The following WDR70 variants were observed in gnomAD, a reference collection of about 807,000 sequenced individuals.
The protein encoded by WDR70 is WD repeat domain 70, also known as WD repeat-containing protein 70.
Under a neutral mutation model 88.6 loss-of-function variants are expected in WDR70, and 53 were observed. The ratio of observed to expected loss-of-function variants is 0.60; its 90% CI spans 0.48 to 0.75. The LOEUF (loss-of-function observed/expected upper bound fraction) is 0.75. WDR70 is among the 30% of genes least tolerant of loss of function. The pLI is 0.00. For missense variants in WDR70, 610 were observed against 823.2 expected, an observed-to-expected ratio of 0.74 and a Z score of 3.17; for synonymous variants, 280 against 270.0, an observed-to-expected ratio of 1.04 and a Z score of -0.36.
intron 10 of WDR70, among the ~76,000 whole-genome samples, chr5:37,670,508 G>A (rs1745995793): frequency 6.6e-6 from 1 of 152,300 alleles, no homozygotes. Flanking sequence ...TTGTAAAGGG[G>A]TGTGCCACAT....
intron 3 of WDR70, among the ~76,000 whole-genome samples, chr5:37,388,741 A>G (rs1748710750): frequency 1.3e-5 from 2 of 150,408 alleles, no homozygotes; most frequent in Admixed American, 1.3e-4. Context: ...TCCGTCTCAA[A>G]AAAAAAAAAC....
At chr5:37,722,686 A>G in intron 14 of WDR70, 169 bp from the exon 15 acceptor site, 1 of 615,468 alleles carries the variant, frequency 1.6e-6, no homozygotes, top group South Asian at 2.0e-5. Flanking sequence ...CATAAGTTTA[A>G]GCTTTTATCA....
At chr5:37,746,242 C>T (rs975681790) in intron 17 of WDR70, among the ~76,000 whole-genome samples, 1 of 151,970 alleles carries the variant, frequency 6.6e-6, no homozygotes, top group Non-Finnish European at 1.5e-5. Flanking sequence ...AACAAAGAGA[C>T]AATGTTCCAG....
intron 10 of WDR70, among the ~76,000 whole-genome samples, chr5:37,630,796 G>C (rs1744792969): frequency 6.6e-6 from 1 of 152,212 alleles, no homozygotes; most frequent in Admixed American, 6.5e-5. Context: ...TGAGCAAGGA[G>C]CATTCCAGAG....
At chr5:37,581,598 GCAGTCTAAATATAAAAT>G (rs1295984749) in intron 9 of WDR70, among the ~76,000 whole-genome samples, 1 of 152,126 alleles carries the variant, frequency 6.6e-6, no homozygotes, top group Non-Finnish European at 1.5e-5. Context: ...TCAAAGCAAT[GCAGTCTAAATATAAAAT>G]CAGCTCTCTG....
chr5:37,727,049 A>G lies in WDR70; in HGVS notation c.1877+4A>G. The G allele has an allele frequency of 1.3e-6, 2 of 1,599,786 alleles. No homozygotes were observed. Among genetic ancestry groups the G allele is most frequent in the South Asian group, 1.1e-5 (1 of 87,592 alleles). On this transcript the variant is annotated splice_donor_region_variant and intron_variant, in intron 17 of 17. Transcript: ENST00000265107. ...GGGTTTCTCCAGCATATTCCAAGTG[A>G]GAATATAGCTTTTTAAAACAGGAAA...
At chr5:37,706,716 T>TACAC (rs58482881) in intron 13 of WDR70, among the ~76,000 whole-genome samples, 39,579 of 149,334 alleles carry the variant, frequency 0.27, 5,225 homozygotes, top group Middle Eastern at 0.35. Flanking sequence ...AACAGAGTAA[T>TACAC]ACACACACAC....
At chr5:37,665,895 C>A (rs577739975) in intron 10 of WDR70, among the ~76,000 whole-genome samples, 94 of 152,204 alleles carry the variant, frequency 6.2e-4, no homozygotes, top group Non-Finnish European at 1.0e-3. Context: ...ACTGGGCCCG[C>A]CACCCTCTCC....
chr5:37,593,879 T>C (rs987868426), intron 9 of WDR70, among the ~76,000 whole-genome samples: 1 of 152,236 alleles, frequency 6.6e-6, no homozygotes, highest in Non-Finnish European at 1.5e-5. Context: ...GTGGGTTTGA[T>C]TTGCAGTTCT....
intron 9 of WDR70, among the ~76,000 whole-genome samples, chr5:37,529,157 C>G (rs1382431806): frequency 6.6e-6 from 1 of 151,976 alleles, no homozygotes; most frequent in Non-Finnish European, 1.5e-5. Context: ...TTTCTGGGTT[C>G]TGTATTCTGT....
chr5:37,626,667 T>G (rs1281512461), intron 10 of WDR70, among the ~76,000 whole-genome samples: 1 of 152,172 alleles, frequency 6.6e-6, no homozygotes, highest in Non-Finnish European at 1.5e-5. Context: ...CTCTTTTATT[T>G]TCTGGGATAG....
chr5:37,669,963 T>C (rs904776486), intron 10 of WDR70, among the ~76,000 whole-genome samples: 1 of 151,206 alleles, frequency 6.6e-6, no homozygotes, highest in African/African-American at 2.4e-5. Flanking sequence ...AAGTGTTCAG[T>C]TTAGGCAAAT....
At chr5:37,664,310 G>A (rs1407752763) in intron 10 of WDR70, among the ~76,000 whole-genome samples, 2 of 152,172 alleles carry the variant, frequency 1.3e-5, no homozygotes, top group African/African-American at 4.8e-5. Flanking sequence ...CTCCATAGAA[G>A]GGCATATGAA....
chr5:37,531,483 T>C (rs1741481497), intron 9 of WDR70, among the ~76,000 whole-genome samples: 1 of 152,072 alleles, frequency 6.6e-6, no homozygotes, highest in African/African-American at 2.4e-5. Context: ...TACATACATA[T>C]ATATTTATTT....
chr5:37,571,571 T>C (rs548917873), intron 9 of WDR70, among the ~76,000 whole-genome samples: 116 of 152,318 alleles, frequency 7.6e-4, no homozygotes, highest in Admixed American at 1.4e-3. Context: ...AGGGTTTACA[T>C]TGGAAGAGAG....
chr5:37,618,659 A>G (rs1261876884), intron 10 of WDR70, among the ~76,000 whole-genome samples: 2 of 152,212 alleles, frequency 1.3e-5, no homozygotes, highest in African/African-American at 4.8e-5. Flanking sequence ...GGAAGTGGGA[A>G]AAGGTTGAGG....
chr5:37,596,705 A>G (rs1017287858), intron 9 of WDR70, among the ~76,000 whole-genome samples: 1 of 152,226 alleles, frequency 6.6e-6, no homozygotes, highest in African/African-American at 2.4e-5. Context: ...ATTGATATTT[A>G]TCACATATAT....
intron 9 of WDR70, among the ~76,000 whole-genome samples, chr5:37,522,447 GGTGATGGA>G: frequency 7.0e-6 from 1 of 143,848 alleles, no homozygotes; most frequent in South Asian, 2.4e-4. Flanking sequence ...TTCCAGCCTG[GGTGATGGA>G]GTGAGACTCT....
chr5:37,689,049 G>T (rs1243358906), intron 10 of WDR70, among the ~76,000 whole-genome samples: 1 of 152,186 alleles, frequency 6.6e-6, no homozygotes, highest in Non-Finnish European at 1.5e-5. Context: ...TGCCTGGCTC[G>T]GCGGGTCCCA....
Sources: allele counts gnomAD v4.1 joint callset (sites outside exome capture counted in the v4.1 genomes callset), GRCh38; gene constraint gnomAD v4.1.1; transcripts MANE v1.5; gene names NCBI Gene and HGNC (gene_info 2026-07-23, HGNC 2026-07-21).